Variants in MYH8 observed in about 807,000 individuals in gnomAD.
The protein encoded by MYH8 is myosin-8.
MYH8 carries 168 observed loss-of-function variants against 233.2 expected under a neutral mutation model. The observed-to-expected ratio is 0.72, with a 90% CI of 0.64 to 0.82. MYH8 has a LOEUF of 0.82. Among genes scored for constraint, MYH8 ranks in the 40% least tolerant of loss-of-function variants. The pLI is 0.00. For missense variants in MYH8, 1,995 were observed against 2,327.8 expected, an observed-to-expected ratio of 0.86 and a Z score of 2.94; for synonymous variants, 785 against 850.6, an observed-to-expected ratio of 0.92 and a Z score of 1.34.
In MYH8 at chr17:10,404,589, C is replaced by A. The variant is rs545668939; in HGVS notation, c.2433-4G>T. The A allele has an allele frequency of 6.2e-7, 1 of 1,613,250 alleles. No homozygotes were observed. The highest frequency in any genetic ancestry group is 8.5e-7 in the Non-Finnish European group (1 of 1,179,402). On this transcript the variant is annotated splice_region_variant and splice_polypyrimidine_tract_variant and intron_variant, in intron 21 of 39. Transcript: ENST00000403437. Reference sequence around the variant, plus strand: ...CTGGATGCAGAAAAGTGCTTCTCTGCGATGACATGAAAATATCAGTGTAGA... The same window carrying A: ...CTGGATGCAGAAAAGTGCTTCTCTGAGATGACATGAAAATATCAGTGTAGA...
rs1328165883 is a variant in MYH8, at chr17:10,400,087, CA to C, written c.3735+302del. Among the ~76,000 whole-genome samples, 1 of 152,120 alleles carries C rather than the reference CA, an allele frequency of 6.6e-6. No individual in the cohort carries two copies. The highest frequency in any genetic ancestry group is 1.5e-5 in the Non-Finnish European group (1 of 68,026). ...GCGTGCTGGCGGGCGCCTGTAGTCCCAGCTACTGGGGAGGCTGAGGCAGGAG... is the reference window on the plus strand; with the variant it reads ...GCGTGCTGGCGGGCGCCTGTAGTCCCGCTACTGGGGAGGCTGAGGCAGGAG... On this transcript the variant is annotated intron_variant, in intron 27 of 39. Transcript: ENST00000403437. The surrounding 1 kb of genome is among the most constrained non-coding windows in gnomAD (Gnocchi z 4.0).
At chr17:10,406,547 G>A (rs960815300) in intron 19 of MYH8, 143 bp downstream of exon 19, 13 of 1,379,496 alleles carry the variant, frequency 9.4e-6, no homozygotes, top group Non-Finnish European at 1.3e-5. Context: ...AAAACAATAT[G>A]ATTTTCTGTT....
At chr17:10,393,991 CTTTTTTTTTTTTTT>C (rs35512526) in intron 35 of MYH8, among the ~76,000 whole-genome samples, 40 of 35,992 alleles carry the variant, frequency 1.1e-3, no homozygotes, top group Admixed American at 5.4e-3. Context: ...AAAGTAATAG[CTTTTTTTTTTTTTT>C]TTTTTTTTTT....
At chr17:10,394,655 T>G (rs1396547342) in intron 34 of MYH8, among the ~76,000 whole-genome samples, 1 of 152,232 alleles carries the variant, frequency 6.6e-6, no homozygotes, top group Admixed American at 6.5e-5. Flanking sequence ...ATTTCTACCA[T>G]TAACTGGTTA....
chr17:10,398,464 T>G lies in MYH8; in HGVS notation c.4158A>C (p.Thr1386=), dbSNP rs543637171. The G allele has an allele frequency of 2.7e-5, 43 of 1,613,996 alleles. 1 individual carries two copies. In the South Asian group the frequency reaches 4.6e-4, roughly 17 times the overall value. ...CATACTTGGCCTCCTCCAGCTCCTC[T>G]GTGCGCTGGATGGCATCCGTCTCGT... ...TKYETDAIQR[T]EELEEAKKKL... Residue 1386 remains threonine, a synonymous_variant, in exon 30 of 40, where the codon ACA becomes ACC. Coordinates refer to ENST00000403437, the MANE Select transcript of MYH8 (RefSeq NM_002472.3).
At chr17:10,412,553 T>C (rs768670978) in intron 13 of MYH8, 34 bp from the exon 14 acceptor site, 1 of 1,614,206 alleles carries the variant, frequency 6.2e-7, no homozygotes, top group Non-Finnish European at 8.5e-7. Flanking sequence ...TTGGTATTGT[T>C]AAAGACATGC....
Position 10,401,683 on chromosome 17 carries a change from C to G in MYH8, c.2791G>C (p.Glu931Gln). Reference protein sequence around the residue: ...KIKEVTERAEEEEEINAELTA... With the variant: ...KIKEVTERAEQEEEINAELTA... The stretch of plus-strand genomic sequence containing the variant: ...AGCTCAGCATTGATCTCTTCCTCCT[C>G]CTCAGCTCTTTCAGTCACCTCTTTG... The change falls in exon 23 of 40, where the codon GAG becomes CAG. Residue 931 changes from glutamate to glutamine, a missense_variant. Coordinates refer to ENST00000403437, the MANE Select transcript of MYH8 (RefSeq NM_002472.3). The G allele has an allele frequency of 6.2e-7, 1 of 1,614,148 alleles. No homozygotes were observed.
rs1045155798 is a variant in MYH8 at position 10,398,811 on chromosome 17, T to A, written c.3938A>T (p.Gln1313Leu). 3.1e-6 allele frequency: 5 copies of A among 1,614,138 alleles called. No homozygotes were observed. Among genetic ancestry groups the A allele is most frequent in the Non-Finnish European group, 4.2e-6 (5 of 1,180,040 alleles). Residue 1313 changes from glutamine (Q) to leucine (L), a missense_variant, in exon 29 of 40, where the codon CAG (glutamine) becomes CTG (leucine). Coordinates refer to ENST00000403437, the MANE Select transcript of MYH8 (RefSeq NM_002472.3). ...QLSRSKQAST[Q>L]QIEELKHQLE... The stretch of plus-strand genomic sequence containing the variant: ...TTGATGTTTCAGCTCTTCAATCTGC[T>A]GAGTAGATGCTTGCTTGCTCCTTGA...
At position 10,419,650 on chromosome 17, in the gene MYH8, AT is replaced by A. The variant is rs1269940432; in HGVS notation, c.210+367del. ...AAATTTTTATTTTTTTCTTTCATTC[AT>A]TAAGAAACTTCATGTTTTTGGAAGT... On this transcript the variant is annotated intron_variant, in intron 3 of 39. Transcript: ENST00000403437. This position sits in a 1 kb window ranked among gnomAD's most constrained non-coding sequence, Gnocchi z 4.0. 6.6e-6 allele frequency among the ~76,000 whole-genome samples: 1 copy of A among 151,034 alleles called. No individual in the cohort carries two copies. Among genetic ancestry groups the A allele is most frequent in the Non-Finnish European group, 1.5e-5 (1 of 67,748 alleles).
Position 10,415,469 on chromosome 17 carries a change from T to A in MYH8, c.648+3A>T, listed in dbSNP as rs1018001215. 1.1e-5 allele frequency: 18 copies of A among 1,613,976 alleles called. No homozygotes were observed. Among genetic ancestry groups the A allele is most frequent in the Non-Finnish European group, 1.5e-5 (18 of 1,179,920 alleles). ...AGGTTTTGACTCTGGCTATCAGACCTACCTGCATTTTGCCAGATTCATCCT... is the reference window on the plus strand; with the variant it reads ...AGGTTTTGACTCTGGCTATCAGACCAACCTGCATTTTGCCAGATTCATCCT... On this transcript the variant is annotated splice_donor_region_variant and intron_variant, in intron 7 of 39. Transcript: ENST00000403437. The surrounding 1 kb of genome is among the most constrained non-coding windows in gnomAD (Gnocchi z 4.1).
At chr17:10,397,203 A>G (rs924690329) in intron 30 of MYH8, among the ~76,000 whole-genome samples, 10 of 152,120 alleles carry the variant, frequency 6.6e-5, no homozygotes, top group Non-Finnish European at 1.5e-5. Context: ...CAGTTTCCCA[A>G]GTAGCTGGGA....
At chr17:10,395,747 C>T (rs2072072703) in intron 33 of MYH8, among the ~76,000 whole-genome samples, 2 of 151,918 alleles carry the variant, frequency 1.3e-5, no homozygotes, top group South Asian at 2.1e-4. Context: ...TTAAAATGTT[C>T]TTGTGTGATA....
intron 14 of MYH8, 85 bp from the exon 15 acceptor site, chr17:10,411,032 A>C (rs1286859659): frequency 6.2e-7 from 1 of 1,602,132 alleles, no homozygotes. Flanking sequence ...TTATTGAAAA[A>C]ATGTGGAATG....
rs1233031989 is a variant in MYH8, at chr17:10,404,445, T to G, written c.2573A>C (p.Glu858Ala). Residue 858 changes from glutamate to alanine, a missense_variant, in exon 22 of 40, where the codon GAA (glutamate) becomes GCA (alanine). Physicochemically the swap from Glu to Ala is moderately radical, Grantham distance 107. Coordinates refer to ENST00000403437, the MANE Select transcript of MYH8 (RefSeq NM_002472.3). The part of the protein sequence containing the change: ...TEKEMATMKE[E>A]FQKTKDELAK... ...GAGTTCATCTTTGGTTTTCTGGAAT[T>G]CTTCCTTCATGGTGGCCATCTCTTT... 6.2e-7 allele frequency: 1 copy of G among 1,613,944 alleles called. No individual in the cohort carries two copies. Among genetic ancestry groups the G allele is most frequent in the Non-Finnish European group, 8.5e-7 (1 of 1,179,972 alleles).
rs1467199711 is a variant in MYH8 at position 10,415,956 on chromosome 17, A to G, written c.512-248T>C. Among the ~76,000 whole-genome samples, 2 of 152,224 alleles carry G rather than the reference A, an allele frequency of 1.3e-5. No individual in the cohort carries two copies. The highest frequency in any genetic ancestry group is 3.8e-4 in the East Asian group (2 of 5,198). On this transcript the variant is annotated intron_variant, in intron 5 of 39. Transcript: ENST00000403437. The surrounding 1 kb of genome is among the most constrained non-coding windows in gnomAD (Gnocchi z 4.1). Reference sequence around the variant, plus strand: ...TTAATTGCGATGAGATACACATAACATAAAATTTACCATCTTAACCATTTT... The same window carrying G: ...TTAATTGCGATGAGATACACATAACGTAAAATTTACCATCTTAACCATTTT...
At position 10,396,765 on chromosome 17, in the gene MYH8, G is replaced by C. The variant is rs750716609; in HGVS notation, c.4362+38C>G. The stretch of plus-strand genomic sequence containing the variant: ...GTTGATCCAAGGAGAAAGGAAGACC[G>C]AGTAAAACACTCTTAAAGTTTAAGC... On this transcript the variant is annotated intron_variant, in intron 31 of 39. Coordinates refer to ENST00000403437, the MANE Select transcript of MYH8 (RefSeq NM_002472.3). The surrounding 1 kb of genome is among the most constrained non-coding windows in gnomAD (Gnocchi z 4.2). The C allele has an allele frequency of 1.2e-6, 2 of 1,614,070 alleles. No homozygotes were observed. The highest frequency in any genetic ancestry group is 2.7e-5 in the African/African-American group (2 of 74,922).
intron 9 of MYH8, 79 bp from the exon 10 acceptor site, chr17:10,414,563 C>A: frequency 1.0e-6 from 1 of 962,684 alleles, no homozygotes; most frequent in South Asian, 1.4e-5. Context: ...CGTCTTTGGT[C>A]AAATTTGGAG....
chr17:10,393,636 T>G (rs189138396), intron 35 of MYH8, among the ~76,000 whole-genome samples: 135 of 152,336 alleles, frequency 8.9e-4, no homozygotes, highest in Non-Finnish European at 1.4e-3. Context: ...GAGCACTGAA[T>G]TTGTCTTATG....
rs376732590 is a variant in MYH8 at position 10,392,567 on chromosome 17, C to T, written c.5543G>A (p.Arg1848Gln). 4.0e-5 allele frequency: 64 copies of T among 1,613,974 alleles called. No homozygotes were observed. The highest frequency in any genetic ancestry group is 1.6e-4 in the East Asian group (7 of 44,890). ...CTGGTAGGTGAGTTCTTTTACTCGTCGCTCATGTTTCCGTAAACCTTTAAC... is the reference window on the plus strand; with the variant it reads ...CTGGTAGGTGAGTTCTTTTACTCGTTGCTCATGTTTCCGTAAACCTTTAAC... ...EAVKGLRKHE[R>Q]RVKELTYQTE... Residue 1848 changes from arginine to glutamine, a missense_variant, in exon 38 of 40, where the codon CGA becomes CAA. By Grantham distance (43) the Arg-to-Gln change is conservative. Around this residue, in one of 3 missense-constraint regions of MYH8, gnomAD observed 1,498 missense variants for 1,680.9 expected, o/e 0.89. Transcript: ENST00000403437.
Sources: gnomAD v4.1 joint callset for allele counts (sites outside exome capture counted in the v4.1 genomes callset) on GRCh38, gnomAD v4.1.1 for gene constraint, gnomAD v4.1.1 regional missense constraint, Gnocchi (gnomAD v3.1) non-coding constraint, MANE v1.5 for transcripts, NCBI Gene and HGNC (gene_info 2026-07-23, HGNC 2026-07-21) for gene names.